The following DCDC2C variants were observed in gnomAD, a reference collection of about 807,000 sequenced individuals.
The protein encoded by DCDC2C is doublecortin domain-containing protein 2C.
A neutral mutation model predicts 45.0 loss-of-function variants in DCDC2C; 44 were observed. The ratio of observed to expected loss-of-function variants is 0.98; its 90% CI spans 0.77 to 1.26. The LOEUF (loss-of-function observed/expected upper bound fraction) is 1.26, where lower values mean the gene tolerates loss of function less well. Among genes scored for constraint, DCDC2C ranks in the 50% most tolerant of loss-of-function variants. The probability of loss-of-function intolerance (pLI) is 0.00; values close to 1 mark genes in which losing one functional copy is unlikely to be tolerated. For synonymous variants in DCDC2C, 187 were observed against 178.8 expected (o/e 1.05, Z -0.37); for missense variants, 447 against 468.9 (o/e 0.95, Z 0.43).
intron 10 of DCDC2C, among the ~76,000 whole-genome samples, chr2:3,805,575 T>G (rs1034063155): frequency 9.2e-5 from 14 of 152,248 alleles, no homozygotes; most frequent in African/African-American, 2.9e-4. Flanking sequence ...CTTGTGCCTG[T>G]ATTTCCAGTC....
intron 8 of DCDC2C, among the ~76,000 whole-genome samples, chr2:3,777,824 A>G (rs1322778026): frequency 6.6e-6 from 1 of 152,210 alleles, no homozygotes; most frequent in Admixed American, 6.5e-5. Flanking sequence ...TTCATGGCTC[A>G]TTACTAATGG....
intron 6 of DCDC2C, among the ~76,000 whole-genome samples, chr2:3,766,724 AC>A (rs1670023641): frequency 6.6e-6 from 1 of 152,196 alleles, no homozygotes. Flanking sequence ...CGAGAGAAAT[AC>A]CTATTTATAT....
chr2:3,732,729 G>A (rs2148087349), intron 3 of DCDC2C, among the ~76,000 whole-genome samples: 1 of 152,310 alleles, frequency 6.6e-6, no homozygotes, highest in South Asian at 2.1e-4. Flanking sequence ...TTAGCCAGGA[G>A]GTGTAGGGCA....
intron 6 of DCDC2C, among the ~76,000 whole-genome samples, chr2:3,763,654 C>T (rs1423981631): frequency 6.6e-6 from 1 of 152,138 alleles, no homozygotes; most frequent in Admixed American, 6.5e-5. Flanking sequence ...GTTGACTGTT[C>T]CCATTGTCTG....
intron 10 of DCDC2C, among the ~76,000 whole-genome samples, chr2:3,806,053 C>G (rs1671236103): frequency 6.6e-6 from 1 of 151,992 alleles, no homozygotes; most frequent in African/African-American, 2.4e-5. Context: ...CCAGGCTGGT[C>G]TTGACCTCCT....
At chr2:3,771,603 A>T (rs1352874907) in intron 8 of DCDC2C, among the ~76,000 whole-genome samples, 1 of 152,238 alleles carries the variant, frequency 6.6e-6, no homozygotes, top group Non-Finnish European at 1.5e-5. Flanking sequence ...CATGACACAC[A>T]GTTGAGACCT....
At chr2:3,768,116 A>G (rs1039966046) in intron 7 of DCDC2C, among the ~76,000 whole-genome samples, 2 of 152,134 alleles carry the variant, frequency 1.3e-5, no homozygotes, top group Admixed American at 1.3e-4. Flanking sequence ...TCCAAGATAA[A>G]TACATATTTA....
chr2:3,713,181 GAA>G (rs1668262154), intron 2 of DCDC2C, among the ~76,000 whole-genome samples: 1 of 152,164 alleles, frequency 6.6e-6, no homozygotes, highest in South Asian at 2.1e-4. Context: ...AGTATTAAAT[GAA>G]TTTCTTCCAT....
At chr2:3,754,820 G>A (rs1386265251) in intron 6 of DCDC2C, among the ~76,000 whole-genome samples, 186 bp downstream of exon 6, 1 of 152,222 alleles carries the variant, frequency 6.6e-6, no homozygotes, top group East Asian at 1.9e-4. Flanking sequence ...GGTGTGAGTA[G>A]GAGAGGAAGT....
In DCDC2C at chr2:3,761,478, A is replaced by G. The variant is rs372686405; in HGVS notation, c.727-6276A>G. Among the ~76,000 whole-genome samples, 3 of 152,166 alleles carry G rather than the reference A, an allele frequency of 2.0e-5. No homozygotes were observed. The highest frequency in any genetic ancestry group is 7.2e-5 in the African/African-American group (3 of 41,414). ...TAACCTGTTCTGAACAGTAAATTTC[A>G]CTGTGAAATGAGTGCTTTGGAATTG... On this transcript the variant is annotated intron_variant, in intron 6 of 10. Coordinates refer to ENST00000399143, the MANE Select transcript of DCDC2C (RefSeq NM_001287444.2). This position sits in a 1 kb window ranked among gnomAD's most constrained non-coding sequence, Gnocchi z 4.3.
intron 6 of DCDC2C, among the ~76,000 whole-genome samples, chr2:3,767,246 A>G (rs1406791106): frequency 6.6e-6 from 1 of 152,230 alleles, no homozygotes; most frequent in East Asian, 1.9e-4. Context: ...TTGTTTACAG[A>G]TTAAAAAACA....
At chr2:3,791,957 C>T (rs553037920) in intron 10 of DCDC2C, among the ~76,000 whole-genome samples, 33 of 151,868 alleles carry the variant, frequency 2.2e-4, no homozygotes, top group African/African-American at 8.0e-4. Flanking sequence ...CACCCAATTC[C>T]TCAGTAGCCT....
intron 10 of DCDC2C, among the ~76,000 whole-genome samples, chr2:3,791,503 A>G (rs17018070): frequency 0.13 from 19,913 of 152,258 alleles, 1,455 homozygotes; most frequent in East Asian, 0.28. Flanking sequence ...GTTCCAGTCT[A>G]GCCTGGAGAA....
chr2:3,772,417 T>G (rs1356402592), intron 8 of DCDC2C, among the ~76,000 whole-genome samples: 1 of 152,222 alleles, frequency 6.6e-6, no homozygotes, highest in Non-Finnish European at 1.5e-5. Context: ...AATAAGACTT[T>G]GACTCCGCAG....
intron 1 of DCDC2C, among the ~76,000 whole-genome samples, chr2:3,706,253 C>G (rs771422565): frequency 6.6e-6 from 1 of 152,118 alleles, no homozygotes; most frequent in Non-Finnish European, 1.5e-5. Context: ...ATTAGTGATC[C>G]GGGAGCTCCC....
At chr2:3,819,659 G>A (rs1197818510) in intron 10 of DCDC2C, among the ~76,000 whole-genome samples, 2 of 152,346 alleles carry the variant, frequency 1.3e-5, no homozygotes, top group East Asian at 1.9e-4. Context: ...CGGCTGTAAA[G>A]CATCTCAGGG....
At chr2:3,797,976 A>G (rs1671008123) in intron 10 of DCDC2C, among the ~76,000 whole-genome samples, 1 of 151,622 alleles carries the variant, frequency 6.6e-6, no homozygotes, top group African/African-American at 2.4e-5. Context: ...GGGGTGTTAA[A>G]GTCTCCCATT....
At chr2:3,784,998 G>A in intron 9 of DCDC2C, 61 bp from the exon 10 acceptor site, 1 of 1,169,656 alleles carries the variant, frequency 8.5e-7, no homozygotes. Flanking sequence ...GGAGATTAAG[G>A]ATTTATTTTA....
At position 3,794,764 on chromosome 2, in the gene DCDC2C, A is replaced by G. The variant is rs1670912505; in HGVS notation, c.1065+9664A>G. 1.3e-5 allele frequency among the ~76,000 whole-genome samples: 2 copies of G among 152,174 alleles called. 1 individual carries two copies. Among genetic ancestry groups the G allele is most frequent in the South Asian group, 4.1e-4 (2 of 4,834 alleles). On this transcript the variant is annotated intron_variant, in intron 10 of 10. Transcript: ENST00000399143. ...CCACATTTTCTTAATCCAGTCTATC[A>G]CTTTGGACATTTGGGTTGGTTCCAA...
Sources: gnomAD v4.1 joint callset for allele counts (sites outside exome capture counted in the v4.1 genomes callset) on GRCh38, gnomAD v4.1.1 for gene constraint, Gnocchi (gnomAD v3.1) non-coding constraint, MANE v1.5 for transcripts, NCBI Gene and HGNC (gene_info 2026-07-23, HGNC 2026-07-21) for gene names.